Variants in TMEM25 observed in about 807,000 individuals in gnomAD.
TMEM25 encodes 0610039J01Rik.
In TMEM25, 36 loss-of-function variants were observed where a neutral mutation model predicts 37.0. That is an observed-to-expected ratio of 0.97 (90% confidence interval 0.75 to 1.28). TMEM25 has a LOEUF of 1.28. TMEM25 is among the 50% of genes most tolerant of loss of function. The pLI is 0.00. For synonymous variants in TMEM25, 197 were observed against 203.7 expected, an observed-to-expected ratio of 0.97 and a Z score of 0.28; for missense variants, 444 against 477.9, an observed-to-expected ratio of 0.93 and a Z score of 0.66.
intron 8 of TMEM25, chr11:118,544,818 G>C (rs1565341882): frequency 1.2e-6 from 1 of 831,316 alleles, no homozygotes; most frequent in Non-Finnish European, 2.0e-6. Flanking sequence ...GCCAAGCTGT[G>C]GCATGGGCAA....
chr11:118,544,904 T>C, intron 8 of TMEM25: 2 of 1,596,940 alleles, frequency 1.3e-6, no homozygotes, highest in Non-Finnish European at 1.7e-6. Flanking sequence ...AAACAGCAGC[T>C]TGGGAAGTGT....
At position 118,534,776 on chromosome 11, in the gene TMEM25, T is replaced by C. The variant is rs941342607; in HGVS notation, c.*196T>C. ...GCTGTAACCCGCAGGGGCACAGGTATCTTTGGCAAGGCTACCAGTTGGACG... is the reference window on the plus strand; with the variant it reads ...GCTGTAACCCGCAGGGGCACAGGTACCTTTGGCAAGGCTACCAGTTGGACG... On this transcript the variant is annotated 3_prime_UTR_variant, in exon 9 of 9. Coordinates refer to ENST00000313236, the MANE Select transcript of TMEM25 (RefSeq NM_032780.4). This position sits in a 1 kb window ranked among gnomAD's most constrained non-coding sequence, Gnocchi z 4.6. 2.8e-6 allele frequency: 4 copies of C among 1,415,608 alleles called. No individual in the cohort carries two copies. The highest frequency in any genetic ancestry group is 2.8e-5 in the Admixed American group (1 of 35,130). The allele number at this position is 1,415,608 out of a possible 1,614,324, so 87.7% of individuals were successfully genotyped here.
Position 118,533,010 on chromosome 11 carries a change from C to G in TMEM25, c.476C>G (p.Pro159Arg). The stretch of plus-strand genomic sequence containing the variant: ...CTGTTTGCCCTGGTGCGTGCCAACC[C>G]GCCGGCCAATGTCACCTGGATCGAC... ...VVLFALVRANPPANVTWIDQD... is the reference protein window; with the variant it reads ...VVLFALVRANRPANVTWIDQD... Residue 159 changes from proline to arginine, a missense_variant, in exon 4 of 9, where the codon CCG becomes CGG. Coordinates refer to ENST00000313236, the MANE Select transcript of TMEM25 (RefSeq NM_032780.4). 1 of 1,614,216 alleles carries G rather than the reference C, an allele frequency of 6.2e-7. No individual in the cohort carries two copies. Among genetic ancestry groups the G allele is most frequent in the Non-Finnish European group, 8.5e-7 (1 of 1,180,040 alleles).
chr11:118,540,179 G>A (rs1212461238), downstream of TMEM25, among the ~76,000 whole-genome samples: 2 of 151,260 alleles, frequency 1.3e-5, no homozygotes, highest in East Asian at 2.0e-4. Flanking sequence ...GCGCAATCTC[G>A]GCTCACTGCA....
Position 118,545,874 on chromosome 11 carries a change from C to T in TMEM25, c.1028-245C>T, listed in dbSNP as rs368856493. Reference sequence around the variant, plus strand: ...CTTACCTGGAAGGGGCATGGAAGGACCAAAGTCAAAAGGATGGTGTCAGTG... The same window carrying T: ...CTTACCTGGAAGGGGCATGGAAGGATCAAAGTCAAAAGGATGGTGTCAGTG... On this transcript the variant is annotated intron_variant, in intron 8 of 8. Coordinates refer to the TMEM25 transcript ENST00000354284. The T allele has an allele frequency of 2.2e-5, 35 of 1,612,778 alleles. No individual in the cohort carries two copies. The African/African-American group carries it at 2.8e-4, about 13-fold the overall frequency.
At chr11:118,546,147 A>G (rs1555067091) in exon 9 of TMEM25, 2 of 718,596 alleles carry the variant, frequency 2.8e-6, no homozygotes, top group Non-Finnish European at 5.2e-6. Flanking sequence ...AAGACGCATA[A>G]CAGAGGGAAG....
intron 8 of TMEM25, among the ~76,000 whole-genome samples, chr11:118,542,774 G>A (rs574991907): frequency 4.1e-4 from 62 of 152,238 alleles, no homozygotes; most frequent in African/African-American, 1.4e-3. Context: ...TTAGCCAGCC[G>A]TGGTGGTGCA....
intron 1 of TMEM25, 153 bp from the exon 2 acceptor site, chr11:118,531,622 T>G (rs545857637): frequency 6.3e-6 from 4 of 632,208 alleles, no homozygotes; most frequent in Non-Finnish European, 2.7e-6. Context: ...GCCTTTGGGC[T>G]TTGCCGTTCG....
In TMEM25 at chr11:118,534,278, C is replaced by G; in HGVS notation, c.950C>G (p.Ala317Gly). Residue 317 changes from alanine (A) to glycine (G), a missense_variant, in exon 8 of 9, where the codon GCA becomes GGA. Transcript: ENST00000313236. This position sits in a 1 kb window ranked among gnomAD's most constrained non-coding sequence, Gnocchi z 4.6. ...LTPDSRAVKP[A>G]DRQMAQNNSR... The stretch of plus-strand genomic sequence containing the variant: ...CTTTGTCAACCAGCAGTGAAACCAG[C>G]AGACCGGCAGATGGCTCAGAACAAC... 1 of 1,614,224 alleles carries G rather than the reference C, an allele frequency of 6.2e-7. No individual in the cohort carries two copies.
chr11:118,538,587 G>C (rs7128587), downstream of TMEM25, among the ~76,000 whole-genome samples: 9 of 151,702 alleles, frequency 5.9e-5, no homozygotes, highest in African/African-American at 2.2e-4. Context: ...TTAGCCGTTT[G>C]TATGTCTTCT....
downstream of TMEM25, among the ~76,000 whole-genome samples, chr11:118,538,042 C>T (rs940876610): frequency 6.6e-6 from 1 of 151,828 alleles, no homozygotes; most frequent in Non-Finnish European, 1.5e-5. Flanking sequence ...AGAGTGAGAC[C>T]CTGTCTCCAA....
At chr11:118,541,475 A>AAAAGG (rs1555065356) in intron 8 of TMEM25, among the ~76,000 whole-genome samples, 1 of 137,346 alleles carries the variant, frequency 7.3e-6, no homozygotes, top group Non-Finnish European at 1.5e-5. Context: ...AAAAAAAAAA[A>AAAAGG]AAAAGAAAAA....
Position 118,533,016 on chromosome 11 carries a change from C to G in TMEM25, c.482C>G (p.Ala161Gly). ...LFALVRANPP[A>G]NVTWIDQDGP... is the part of the protein sequence containing the mutation. ...GCCCTGGTGCGTGCCAACCCGCCGGCCAATGTCACCTGGATCGACCAGGAT... is the reference window on the plus strand; with the variant it reads ...GCCCTGGTGCGTGCCAACCCGCCGGGCAATGTCACCTGGATCGACCAGGAT... The change falls in exon 4 of 9, where the codon GCC becomes GGC. Residue 161 changes from alanine to glycine, a missense_variant. Ala to Gly is a moderately conservative substitution (Grantham distance 60). Coordinates refer to ENST00000313236, the MANE Select transcript of TMEM25 (RefSeq NM_032780.4). 1 of 1,614,242 alleles carries G rather than the reference C, an allele frequency of 6.2e-7. No individual in the cohort carries two copies. Among genetic ancestry groups the G allele is most frequent in the African/African-American group, 1.3e-5 (1 of 75,060 alleles).
downstream of TMEM25, chr11:118,547,089 G>C (rs148209505): frequency 6.6e-6 from 1 of 152,284 alleles, no homozygotes; most frequent in African/African-American, 2.4e-5. Flanking sequence ...TGGATGTACT[G>C]CAACCTAGCT....
Position 118,534,293 on chromosome 11 carries a change from C to T in TMEM25, c.965C>T (p.Ala322Val). 1 of 1,614,216 alleles carries T rather than the reference C, an allele frequency of 6.2e-7. No individual in the cohort carries two copies. Among genetic ancestry groups the T allele is most frequent in the Non-Finnish European group, 8.5e-7 (1 of 1,180,036 alleles). ...RAVKPADRQMAQNNSRPELLD... is the reference protein window; with the variant it reads ...RAVKPADRQMVQNNSRPELLD... Reference sequence around the variant, plus strand: ...GTGAAACCAGCAGACCGGCAGATGGCTCAGAACAACAGCCGGCCAGAGCTT... The same window carrying T: ...GTGAAACCAGCAGACCGGCAGATGGTTCAGAACAACAGCCGGCCAGAGCTT... The change falls in exon 8 of 9, where the codon GCT (alanine) becomes GTT (valine). Residue 322 changes from alanine (A) to valine (V), a missense_variant. Ala to Val is a moderately conservative substitution (Grantham distance 64, BLOSUM62 0). Coordinates refer to ENST00000313236, the MANE Select transcript of TMEM25 (RefSeq NM_032780.4). The surrounding 1 kb of genome is among the most constrained non-coding windows in gnomAD (Gnocchi z 4.6).
Position 118,534,770 on chromosome 11 carries a change from C to G in TMEM25, c.*190C>G, listed in dbSNP as rs1301400002. 1.4e-6 allele frequency: 2 copies of G among 1,419,370 alleles called. No homozygotes were observed. Among genetic ancestry groups the G allele is most frequent in the African/African-American group, 2.9e-5 (2 of 69,636 alleles). 87.9% of individuals were successfully genotyped at this position (1,419,370 alleles called of 1,614,324 possible). On this transcript the variant is annotated 3_prime_UTR_variant, in exon 9 of 9. Coordinates refer to ENST00000313236, the MANE Select transcript of TMEM25 (RefSeq NM_032780.4). The surrounding 1 kb of genome is among the most constrained non-coding windows in gnomAD (Gnocchi z 4.6). ...CACTGGGCTGTAACCCGCAGGGGCA[C>G]AGGTATCTTTGGCAAGGCTACCAGT...
Position 118,533,110 on chromosome 11 carries a change from C to T in TMEM25, c.576C>T (p.Asn192=), listed in dbSNP as rs781839852. 1 of 1,613,590 alleles carries T rather than the reference C, an allele frequency of 6.2e-7. No individual in the cohort carries two copies. Among genetic ancestry groups the T allele is most frequent in the Non-Finnish European group, 8.5e-7 (1 of 1,180,028 alleles). The stretch of plus-strand genomic sequence containing the variant: ...CGCAGAACTACCCCTGGCTCACCAA[C>T]CACACGGTGCAGCTGCAGCTCCGCA... The part of the protein sequence containing the change: ...LDAQNYPWLT[N]HTVQLQLRSL... Residue 192 remains asparagine, a synonymous_variant, in exon 4 of 9, where the codon AAC becomes AAT. Coordinates refer to ENST00000313236, the MANE Select transcript of TMEM25 (RefSeq NM_032780.4).
At chr11:118,540,801 T>A (rs1951568320), downstream of TMEM25, among the ~76,000 whole-genome samples, 1 of 152,170 alleles carries the variant, frequency 6.6e-6, no homozygotes, top group Admixed American at 6.5e-5. Context: ...CCTAGCAGAT[T>A]ACAACATGAA....
At position 118,535,370 on chromosome 11, in the gene TMEM25, G is replaced by A. The variant is rs1404743879; in HGVS notation, c.*790G>A. ...TAGCTATGCATCATTTTCCTACGGC[G>A]TTAGCACTTTAAGCACATCCCCTAG... On this transcript the variant is annotated 3_prime_UTR_variant, in exon 9 of 9. Transcript: ENST00000313236. 14 of 1,407,820 alleles carry A rather than the reference G, an allele frequency of 9.9e-6. No homozygotes were observed. The highest frequency in any genetic ancestry group is 5.9e-5 in the Admixed American group (2 of 34,082). 87.2% of individuals were successfully genotyped at this position (1,407,820 alleles called of 1,614,324 possible). A position where few individuals can be genotyped will look rare whatever the true frequency, so the allele number is the denominator to read the frequency against.
Sources: gnomAD v4.1 joint callset for allele counts (sites outside exome capture counted in the v4.1 genomes callset) on GRCh38, gnomAD v4.1.1 for gene constraint, Gnocchi (gnomAD v3.1) non-coding constraint, MANE v1.5 for transcripts, NCBI Gene and HGNC (gene_info 2026-07-23, HGNC 2026-07-21) for gene names.